The following HMCN1 variants were observed in gnomAD, a reference collection of about 807,000 sequenced individuals.
The protein encoded by HMCN1 is hemicentin 1.
HMCN1 carries 321 observed loss-of-function variants against 625.9 expected under a neutral mutation model. The observed-to-expected ratio is 0.51, with a 90% CI of 0.47 to 0.56. HMCN1 has a LOEUF of 0.56. HMCN1 is among the 20% of genes least tolerant of loss of function. HMCN1 has a pLI of 0.00. For synonymous variants in HMCN1, 2,425 were observed against 2,417.6 expected (o/e 1.00, Z -0.09); for missense variants, 6,588 against 6,887.3 (o/e 0.96, Z 1.54).
intron 44 of HMCN1, among the ~76,000 whole-genome samples, 188 bp from the exon 45 acceptor site, chr1:186,055,205 C>T (rs1657229413): frequency 6.6e-6 from 1 of 151,992 alleles, no homozygotes; most frequent in South Asian, 2.1e-4. Context: ...GGTATGAACC[C>T]ACTTAACACA....
At chr1:186,186,284 T>C (rs931097521) in intron 105 of HMCN1, among the ~76,000 whole-genome samples, 91 of 152,258 alleles carry the variant, frequency 6.0e-4, no homozygotes, top group Non-Finnish European at 4.7e-4. Context: ...AGAGAGCTAA[T>C]GGGAGGCCGA....
At chr1:185,757,975 C>A (rs2102113346) in intron 1 of HMCN1, among the ~76,000 whole-genome samples, 1 of 152,190 alleles carries the variant, frequency 6.6e-6, no homozygotes, top group Middle Eastern at 3.4e-3. Flanking sequence ...GCAAAATGTT[C>A]AATAATTGGT....
intron 1 of HMCN1, among the ~76,000 whole-genome samples, chr1:185,808,759 T>G (rs1421450122): frequency 6.6e-6 from 1 of 152,198 alleles, no homozygotes; most frequent in Non-Finnish European, 1.5e-5. Context: ...ATCTGAATGA[T>G]GTAAGAGGTT....
rs1443795594 is a variant in HMCN1 at position 185,923,630 on chromosome 1, T to C, written c.1262T>C (p.Val421Ala). Residue 421 changes from valine to alanine, a missense_variant, in exon 8 of 107, where the codon GTT (valine) becomes GCT (alanine). Physicochemically the swap from Val to Ala is moderately conservative, Grantham distance 64. Coordinates refer to ENST00000271588, the MANE Select transcript of HMCN1 (RefSeq NM_031935.3). ...DDYLFQRVSS[V>A]SFSSIVPDAP... ...TACCTCTTCCAGAGAGTATCAAGTG[T>C]TTCCTTTTCTAGTATTGTCCCAGGT... 19 of 1,605,682 alleles carry C rather than the reference T, an allele frequency of 1.2e-5. No homozygotes were observed. Among genetic ancestry groups the C allele is most frequent in the Non-Finnish European group, 1.5e-5 (18 of 1,177,330 alleles).
chr1:185,879,783 C>A (rs11576503), intron 4 of HMCN1, among the ~76,000 whole-genome samples: 1 of 151,860 alleles, frequency 6.6e-6, no homozygotes, highest in Non-Finnish European at 1.5e-5. Context: ...AATGTGTGGG[C>A]GAAATGGAGC....
chr1:186,130,443 A>G lies in HMCN1; in HGVS notation c.13040-64A>G, dbSNP rs1571394756. 14 of 1,516,884 alleles carry G rather than the reference A, an allele frequency of 9.2e-6. 1 individual carries two copies. The East Asian group carries it at 3.2e-4, about 34-fold the overall frequency. The allele number at this position is 1,516,884 out of a possible 1,614,324, so 94.0% of individuals were successfully genotyped here. A position where few individuals can be genotyped will look rare whatever the true frequency, so the allele number is the denominator to read the frequency against. On this transcript the variant is annotated intron_variant, in intron 84 of 106. Transcript: ENST00000271588. ...ACTAAATTATTTTTCCAAATAGGTC[A>G]AAGATCACAAAGAAATTATCAGCAC...
At chr1:186,162,323 A>ATT (rs200936247) in intron 97 of HMCN1, among the ~76,000 whole-genome samples, 5 of 150,630 alleles carry the variant, frequency 3.3e-5, no homozygotes, top group African/African-American at 7.3e-5. Context: ...ATTCATCTAC[A>ATT]TTTTTTTTCA....
chr1:185,763,584 G>A (rs929025492), intron 1 of HMCN1, among the ~76,000 whole-genome samples: 2 of 152,124 alleles, frequency 1.3e-5, no homozygotes, highest in African/African-American at 4.8e-5. Flanking sequence ...AAAATAAAGA[G>A]CTACTTCACA....
At chr1:186,003,098 C>CTACTGAAA (rs1442042455) in intron 28 of HMCN1, among the ~76,000 whole-genome samples, 1 of 152,080 alleles carries the variant, frequency 6.6e-6, no homozygotes, top group African/African-American at 2.4e-5. Context: ...CACTCCTCCC[C>CTACTGAAA]TACTGAAATC....
At chr1:186,062,103 A>G (rs1657743463) in intron 47 of HMCN1, 139 bp downstream of exon 47, 1 of 616,790 alleles carries the variant, frequency 1.6e-6, no homozygotes, top group Non-Finnish European at 2.9e-6. Flanking sequence ...AGAATTCAAT[A>G]TCAGAATTGT....
intron 1 of HMCN1, among the ~76,000 whole-genome samples, chr1:185,793,583 G>T (rs1322364): frequency 0.22 from 34,098 of 152,086 alleles, 4,218 homozygotes; most frequent in Non-Finnish European, 0.28. Flanking sequence ...ATCTTTGGGA[G>T]GCCATTATTC....
intron 56 of HMCN1, among the ~76,000 whole-genome samples, chr1:186,081,634 A>G (rs963737114): frequency 6.6e-6 from 1 of 152,180 alleles, no homozygotes; most frequent in Non-Finnish European, 1.5e-5. Context: ...ACACACCTCA[A>G]TTGACTACAA....
At chr1:185,845,903 T>G (rs1661782258) in intron 1 of HMCN1, 123 bp from the exon 2 acceptor site, 2 of 690,646 alleles carry the variant, frequency 2.9e-6, no homozygotes, top group African/African-American at 3.6e-5. Context: ...GTGTTTGGTA[T>G]TTTACTATTT....
intron 2 of HMCN1, 111 bp downstream of exon 2, chr1:185,846,207 C>T (rs1661803634): frequency 3.8e-6 from 3 of 794,640 alleles, no homozygotes; most frequent in Non-Finnish European, 6.3e-6. Flanking sequence ...TTTTAAGGGA[C>T]CCAATAATTG....
chr1:185,741,433 T>A (rs977270796), intron 1 of HMCN1, among the ~76,000 whole-genome samples: 5 of 152,160 alleles, frequency 3.3e-5, no homozygotes, highest in African/African-American at 1.2e-4. Context: ...TAGTTGGATA[T>A]GTGAGATTTA....
chr1:186,076,407 T>C, intron 53 of HMCN1, 21 bp from the exon 54 acceptor site: 2 of 1,608,480 alleles, frequency 1.2e-6, no homozygotes, highest in Non-Finnish European at 1.7e-6. Context: ...GTGACCAACA[T>C]TTAATGCCTT....
At chr1:186,111,049 C>T (rs1288073141) in intron 71 of HMCN1, among the ~76,000 whole-genome samples, 3 of 131,964 alleles carry the variant, frequency 2.3e-5, no homozygotes, top group South Asian at 4.9e-4. Context: ...GGCGCGATCT[C>T]GGCTCACTGC....
chr1:185,963,589 A>ATAT (rs557403420), intron 12 of HMCN1, among the ~76,000 whole-genome samples, 179 bp from the exon 13 acceptor site: 12 of 152,028 alleles, frequency 7.9e-5, no homozygotes, highest in Admixed American at 7.2e-4. Context: ...TGGATACATG[A>ATAT]TATTATTATT....
chr1:185,861,284 G>A (rs1010073976), intron 2 of HMCN1, among the ~76,000 whole-genome samples: 19 of 152,150 alleles, frequency 1.2e-4, no homozygotes, highest in Admixed American at 3.9e-4. Flanking sequence ...ATATTTCTTA[G>A]CTGTCCTCAT....
Sources: gnomAD v4.1 joint callset for allele counts (sites outside exome capture counted in the v4.1 genomes callset) on GRCh38, gnomAD v4.1.1 for gene constraint, MANE v1.5 for transcripts, NCBI Gene and HGNC (gene_info 2026-07-23, HGNC 2026-07-21) for gene names.